CCT3: variants seen among roughly 807,000 people sequenced by gnomAD.
CCT3 encodes the protein T-complex protein 1 subunit gamma.
Under a neutral mutation model 65.3 loss-of-function variants are expected in CCT3, and 10 were observed. That is an observed-to-expected ratio of 0.15 (90% confidence interval 0.09 to 0.26). The LOEUF is 0.26. CCT3 is among the 10% of genes least tolerant of loss of function. The probability of loss-of-function intolerance (pLI) is 1.00; values close to 1 mark genes in which losing one functional copy is unlikely to be tolerated. For missense variants in CCT3, 626 were observed against 708.7 expected (o/e 0.88, Z 1.33); for synonymous variants, 225 against 242.3 (o/e 0.93, Z 0.66).
chr1:156,310,807 A>G (rs1337959573), intron 12 of CCT3, 118 bp from the exon 13 acceptor site: 2 of 1,446,984 alleles, frequency 1.4e-6, no homozygotes, highest in African/African-American at 2.8e-5. Context: ...CAATGACAGC[A>G]AACAAGTCAA....
At chr1:156,310,131 A>G (rs903006074) in intron 13 of CCT3, among the ~76,000 whole-genome samples, 1 of 151,964 alleles carries the variant, frequency 6.6e-6, no homozygotes, top group Non-Finnish European at 1.5e-5. Flanking sequence ...CGAGCTAAAG[A>G]TAATTAAAGA....
chr1:156,325,579 T>C, intron 5 of CCT3, among the ~76,000 whole-genome samples: 1 of 86,186 alleles, frequency 1.2e-5, no homozygotes, highest in Non-Finnish European at 3.0e-5. Flanking sequence ...TTCTTTTGAT[T>C]TTTTTTTTTT....
At chr1:156,326,649 CAA>C (rs760908966) in intron 5 of CCT3, among the ~76,000 whole-genome samples, 5 of 65,650 alleles carry the variant, frequency 7.6e-5, no homozygotes, top group Admixed American at 1.7e-4. Flanking sequence ...GACTCCATCT[CAA>C]AAAAAAAAAA....
chr1:156,323,274 C>T (rs1664645152), intron 6 of CCT3, among the ~76,000 whole-genome samples: 1 of 146,696 alleles, frequency 6.8e-6, no homozygotes, highest in Admixed American at 6.9e-5. Flanking sequence ...CCATTCATTG[C>T]ACTCCAGACT....
Position 156,337,902 on chromosome 1 carries a change from G to A in CCT3, c.31+252C>T, listed in dbSNP as rs193243044. On this transcript the variant is annotated intron_variant, in intron 1 of 13. Transcript: ENST00000295688. ...GGGCTGAGGGACAGAACGCGGAGTG[G>A]GAAAGAGCTTCCCAAGACGAGCACA... is the stretch of plus-strand genomic sequence containing the variant. 228 of 551,820 alleles carry A rather than the reference G, an allele frequency of 4.1e-4. 1 individual carries two copies. Among genetic ancestry groups the A allele is most frequent in the African/African-American group, 4.0e-3 (211 of 52,648 alleles). 34.2% of individuals were successfully genotyped at this position (551,820 alleles called of 1,614,324 possible).
chr1:156,333,709 C>G, intron 4 of CCT3, 66 bp from the exon 5 acceptor site: 1 of 1,230,168 alleles, frequency 8.1e-7, no homozygotes, highest in South Asian at 1.2e-5. Context: ...AAGCTTGGCC[C>G]TAACTCTTGG....
chr1:156,320,749 A>G (rs867619449), intron 7 of CCT3, 90 bp downstream of exon 7: 2 of 992,718 alleles, frequency 2.0e-6, no homozygotes, highest in Middle Eastern at 2.6e-4. Context: ...AAAACAAAAC[A>G]ACGGCATGAA....
chr1:156,335,778 G>T, intron 2 of CCT3, 49 bp downstream of exon 2: 1 of 1,502,778 alleles, frequency 6.7e-7, no homozygotes, highest in Non-Finnish European at 9.3e-7. Context: ...CAAATACCAG[G>T]AAAGATAGCT....
intron 1 of CCT3, among the ~76,000 whole-genome samples, chr1:156,336,206 C>T (rs568110279): frequency 6.6e-6 from 1 of 152,190 alleles, no homozygotes; most frequent in East Asian, 1.9e-4. Context: ...GGATTCATAA[C>T]CTGAGATCTA....
intron 6 of CCT3, among the ~76,000 whole-genome samples, chr1:156,322,855 G>A (rs1382928720): frequency 1.3e-5 from 2 of 151,816 alleles, no homozygotes; most frequent in East Asian, 1.9e-4. Flanking sequence ...GTGAAACTCC[G>A]TCTCAAAAAA....
chr1:156,316,385 G>C (rs755306534), intron 10 of CCT3, among the ~76,000 whole-genome samples: 1 of 152,124 alleles, frequency 6.6e-6, no homozygotes, highest in African/African-American at 2.4e-5. Flanking sequence ...GACTGCATAC[G>C]TCTGACCGAA....
chr1:156,334,402 C>T (rs1665242900), intron 4 of CCT3, among the ~76,000 whole-genome samples: 1 of 152,086 alleles, frequency 6.6e-6, no homozygotes, highest in Non-Finnish European at 1.5e-5. Context: ...GTGTAAGAGA[C>T]ACACAAGGGG....
In CCT3 at chr1:156,325,143, A is replaced by C; in HGVS notation, c.305-54T>G. ...ATTTAAAGCATCTGGATATCAAGGCAAGTAACTTAATTATTCTTCCAAAAA... is the reference window on the plus strand; with the variant it reads ...ATTTAAAGCATCTGGATATCAAGGCCAGTAACTTAATTATTCTTCCAAAAA... On this transcript the variant is annotated intron_variant, in intron 5 of 13. Coordinates refer to ENST00000295688, the MANE Select transcript of CCT3 (RefSeq NM_005998.5). The C allele has an allele frequency of 4.0e-6, 5 of 1,248,538 alleles. No individual in the cohort carries two copies. In the South Asian group the frequency reaches 6.0e-5, roughly 15 times the overall value. The allele number at this position is 1,248,538 out of a possible 1,614,324, so 77.3% of individuals were successfully genotyped here.
chr1:156,320,745 AAAC>A, intron 7 of CCT3, 91 bp downstream of exon 7: 4 of 986,060 alleles, frequency 4.1e-6, no homozygotes, highest in Non-Finnish European at 3.1e-6. Flanking sequence ...AAACAAAACA[AAAC>A]AACGGCATGA....
intron 6 of CCT3, among the ~76,000 whole-genome samples, chr1:156,322,574 C>T (rs548171829): frequency 6.6e-6 from 1 of 151,130 alleles, no homozygotes; most frequent in South Asian, 2.1e-4. Flanking sequence ...AAAAATATTT[C>T]AGGCCAGGCA....
intron 1 of CCT3, chr1:156,337,044 G>A (rs1570941463): frequency 7.1e-6 from 9 of 1,274,276 alleles, no homozygotes; most frequent in Middle Eastern, 3.3e-4. Context: ...CTCTGCAGAT[G>A]AGGTACAGAA....
rs568903548 is a variant in CCT3, at chr1:156,315,699, C to T, written c.974+1467G>A. On this transcript the variant is annotated intron_variant, in intron 10 of 13. Coordinates refer to ENST00000295688, the MANE Select transcript of CCT3 (RefSeq NM_005998.5). ...ATTTTCAACTCCTTGGGGACTGATT[C>T]CCCTAACCCCCAAGTTGTTCAAGGG... Among the ~76,000 whole-genome samples the T allele has an allele frequency of 1.2e-3, 189 of 152,192 alleles. 1 individual carries two copies. Among genetic ancestry groups the T allele is most frequent in the African/African-American group, 4.3e-3 (180 of 41,512 alleles).
intron 10 of CCT3, among the ~76,000 whole-genome samples, chr1:156,314,731 A>G (rs912768590): frequency 6.6e-6 from 1 of 152,084 alleles, no homozygotes; most frequent in African/African-American, 2.4e-5. Context: ...ATAAAAAATA[A>G]AAACAAAAAA....
intron 1 of CCT3, among the ~76,000 whole-genome samples, chr1:156,336,642 T>C (rs1030517054): frequency 6.6e-6 from 1 of 152,228 alleles, no homozygotes; most frequent in African/African-American, 2.4e-5. Context: ...AATGCAGACC[T>C]GAAAGGAGCT....
Sources: allele counts gnomAD v4.1 joint callset (sites outside exome capture counted in the v4.1 genomes callset), GRCh38; gene constraint gnomAD v4.1.1; transcripts MANE v1.5; gene names NCBI Gene and HGNC (gene_info 2026-07-23, HGNC 2026-07-21).